LEMD3: variants seen among roughly 807,000 people sequenced by gnomAD.
LEMD3 encodes the protein LEM domain containing 3, also known as inner nuclear membrane protein Man1.
Under a neutral mutation model 95.2 loss-of-function variants are expected in LEMD3, and 33 were observed. The ratio of observed to expected loss-of-function variants is 0.35; its 90% CI spans 0.26 to 0.46. The LOEUF (loss-of-function observed/expected upper bound fraction) is 0.46. LEMD3 is among the 20% of genes least tolerant of loss of function. The pLI is 1.00. For missense variants in LEMD3, 1,210 were observed against 1,192.8 expected (o/e 1.01, Z -0.21); for synonymous variants, 525 against 474.6 (o/e 1.11, Z -1.38).
At chr12:65,223,758 C>G (rs940247751) in intron 4 of LEMD3, among the ~76,000 whole-genome samples, 1 of 149,358 alleles carries the variant, frequency 6.7e-6, no homozygotes, top group African/African-American at 2.5e-5. Context: ...ACTTATATTG[C>G]CTTTTTTGTT....
intron 4 of LEMD3, among the ~76,000 whole-genome samples, chr12:65,233,446 A>C (rs1321051169): frequency 1.3e-5 from 2 of 152,214 alleles, no homozygotes; most frequent in African/African-American, 4.8e-5. Context: ...ACTTGATTCT[A>C]AAGACTATGT....
At chr12:65,244,971 T>G (rs1303555865) in intron 10 of LEMD3, among the ~76,000 whole-genome samples, 2 of 152,030 alleles carry the variant, frequency 1.3e-5, no homozygotes, top group Non-Finnish European at 2.9e-5. Context: ...CATTTAACTT[T>G]TACAACTTTA....
rs1355290688 is a variant in LEMD3, at chr12:65,169,625, A to T, written c.29A>T (p.Gln10Leu). Residue 10 changes from glutamine (Q) to leucine (L), a missense_variant, in exon 1 of 13, where the codon CAG (glutamine) becomes CTG (leucine). Physicochemically the swap from Gln to Leu is moderately radical, Grantham distance 113 (BLOSUM62 -2). This residue lies in a region of LEMD3 where 749 missense variants were observed against 622.9 expected (regional missense o/e 1.20). Coordinates refer to ENST00000308330, the MANE Select transcript of LEMD3 (RefSeq NM_014319.5). MAAAAASAP[Q>L]QLSDEELFSQ... ...GCGGCGGCAGCAGCTTCGGCGCCTC[A>T]GCAGCTCTCGGATGAGGAGCTTTTC... The T allele has an allele frequency of 3.1e-6, 5 of 1,589,482 alleles. No individual in the cohort carries two copies. Among genetic ancestry groups the T allele is most frequent in the Non-Finnish European group, 4.3e-6 (5 of 1,170,120 alleles).
chr12:65,200,509 T>C (rs1869567151), intron 1 of LEMD3, among the ~76,000 whole-genome samples: 1 of 152,146 alleles, frequency 6.6e-6, no homozygotes, highest in African/African-American at 2.4e-5. Context: ...CTCACTGCAT[T>C]CGTGATGTCA....
rs1750193627 is a variant in LEMD3 at position 65,246,584 on chromosome 12, T to TG, written c.*259_*260insG. On this transcript the variant is annotated 3_prime_UTR_variant, in exon 13 of 13. Coordinates refer to ENST00000308330, the MANE Select transcript of LEMD3 (RefSeq NM_014319.5). ...AAGTTTTGCATGAGGAACACTGACT[T>TG]TATTAAGCATTTTCAGATGTGGTGG... is the stretch of plus-strand genomic sequence containing the variant. The TG allele has an allele frequency of 2.3e-6, 1 of 433,924 alleles. No homozygotes were observed. 26.9% of individuals were successfully genotyped at this position (433,924 alleles called of 1,614,324 possible).
intron 2 of LEMD3, among the ~76,000 whole-genome samples, chr12:65,211,318 G>A (rs1052217084): frequency 4.6e-5 from 7 of 152,100 alleles, no homozygotes; most frequent in Non-Finnish European, 1.0e-4. Context: ...GTAGTTGTTG[G>A]ATACCTTAGC....
intron 1 of LEMD3, among the ~76,000 whole-genome samples, chr12:65,195,726 G>A (rs1869409411): frequency 6.6e-6 from 1 of 152,050 alleles, no homozygotes; most frequent in South Asian, 2.1e-4. Context: ...TAAATGCTTG[G>A]GTAAAGCTAG....
chr12:65,225,270 C>T (rs1592455107), intron 4 of LEMD3, among the ~76,000 whole-genome samples: 1 of 151,944 alleles, frequency 6.6e-6, no homozygotes, highest in East Asian at 1.9e-4. Context: ...TTTCATGGTT[C>T]TTCATGTGCC....
chr12:65,206,839 T>C (rs1194095050), intron 1 of LEMD3, among the ~76,000 whole-genome samples: 2 of 152,186 alleles, frequency 1.3e-5, no homozygotes, highest in Non-Finnish European at 2.9e-5. Flanking sequence ...ATGCATTATA[T>C]AATAACCAAA....
chr12:65,208,467 T>G (rs1869830569), intron 1 of LEMD3, among the ~76,000 whole-genome samples: 1 of 152,128 alleles, frequency 6.6e-6, no homozygotes, highest in Admixed American at 6.6e-5. Context: ...GAAACAAGGT[T>G]TCTTCTCTTC....
intron 1 of LEMD3, among the ~76,000 whole-genome samples, chr12:65,183,273 T>A (rs958003212): frequency 6.6e-6 from 1 of 152,196 alleles, no homozygotes; most frequent in African/African-American, 2.4e-5. Context: ...ATGCTCTTTT[T>A]TGAATTAAGG....
intron 1 of LEMD3, among the ~76,000 whole-genome samples, chr12:65,192,536 CT>C (rs546010073): frequency 6.3e-4 from 95 of 151,212 alleles, no homozygotes; most frequent in African/African-American, 1.8e-3. Flanking sequence ...ACCTTAATAG[CT>C]TTTTTTTTAA....
intron 1 of LEMD3, among the ~76,000 whole-genome samples, chr12:65,184,995 A>G (rs1031331260): frequency 6.6e-6 from 1 of 151,868 alleles, no homozygotes; most frequent in African/African-American, 2.4e-5. Context: ...TTCTTTTTGA[A>G]AGAGATGTGT....
chr12:65,203,017 A>G (rs774685846), intron 1 of LEMD3, among the ~76,000 whole-genome samples: 5 of 151,914 alleles, frequency 3.3e-5, no homozygotes, highest in Non-Finnish European at 7.4e-5. Flanking sequence ...ATTTTTCTCT[A>G]TAGATTTCCT....
chr12:65,202,797 A>G lies in LEMD3; in HGVS notation c.1523-8129A>G, dbSNP rs550732046. Among the ~76,000 whole-genome samples the G allele has an allele frequency of 3.9e-5, 6 of 152,184 alleles. No individual in the cohort carries two copies. The South Asian group carries it at 1.2e-3, about 32-fold the overall frequency. On this transcript the variant is annotated intron_variant, in intron 1 of 12. Coordinates refer to ENST00000308330, the MANE Select transcript of LEMD3 (RefSeq NM_014319.5). ...TTTGACAGATTGTGTCTTTCGAGGA[A>G]TTGGTCTGTTTCATCAAGGTTGTCA...
intron 9 of LEMD3, among the ~76,000 whole-genome samples, chr12:65,242,848 C>G (rs1213290018): frequency 1.3e-5 from 2 of 152,182 alleles, no homozygotes; most frequent in African/African-American, 4.8e-5. Context: ...CTCCTTAAAA[C>G]AGTTGAGTGG....
intron 1 of LEMD3, among the ~76,000 whole-genome samples, chr12:65,197,306 G>T (rs1478121496): frequency 6.6e-6 from 1 of 152,034 alleles, no homozygotes; most frequent in Non-Finnish European, 1.5e-5. Context: ...GGAAATTGTA[G>T]GTATCATTGT....
At chr12:65,231,141 C>CT (rs552904734) in intron 4 of LEMD3, among the ~76,000 whole-genome samples, 2 of 151,890 alleles carry the variant, frequency 1.3e-5, no homozygotes, top group African/African-American at 4.8e-5. Flanking sequence ...TGTTAATACT[C>CT]TTTTTTTATA....
intron 4 of LEMD3, among the ~76,000 whole-genome samples, chr12:65,231,698 CAT>C (rs201377281): frequency 2.8e-4 from 42 of 152,052 alleles, no homozygotes; most frequent in East Asian, 2.5e-3. Context: ...AAATAACACT[CAT>C]TATTTAATTC....
Sources: gnomAD v4.1 joint callset for allele counts (sites outside exome capture counted in the v4.1 genomes callset) on GRCh38, gnomAD v4.1.1 for gene constraint, gnomAD v4.1.1 regional missense constraint, MANE v1.5 for transcripts, NCBI Gene and HGNC (gene_info 2026-07-23, HGNC 2026-07-21) for gene names.